Variants in CSGALNACT1 observed in about 807,000 individuals in gnomAD.
The protein encoded by CSGALNACT1 is beta4GalNAcT-1.
In CSGALNACT1, 52 loss-of-function variants were observed where a neutral mutation model predicts 51.0. The ratio of observed to expected loss-of-function variants is 1.02; its 90% CI spans 0.82 to 1.29. CSGALNACT1 has a LOEUF of 1.29. CSGALNACT1 is among the 50% of genes most tolerant of loss of function. The pLI, the probability that CSGALNACT1 is intolerant of heterozygous loss-of-function variation, is 0.00. For synonymous variants in CSGALNACT1, 341 were observed against 254.4 expected (o/e 1.34, Z -3.24); for missense variants, 935 against 679.2 (o/e 1.38, Z -4.19).
intron 3 of CSGALNACT1, among the ~76,000 whole-genome samples, chr8:19,575,321 G>C (rs752496591): frequency 6.6e-6 from 1 of 152,110 alleles, no homozygotes; most frequent in Admixed American, 6.6e-5. Flanking sequence ...GTCCATCCCA[G>C]AACACTTAAT....
chr8:19,411,797 C>G (rs1233653893), intron 8 of CSGALNACT1, among the ~76,000 whole-genome samples: 1 of 150,284 alleles, frequency 6.7e-6, no homozygotes, highest in Non-Finnish European at 1.5e-5. Flanking sequence ...TCCTCCTGTT[C>G]TGGATTTCAC....
At chr8:19,648,190 A>C (rs1213356001) in intron 1 of CSGALNACT1, among the ~76,000 whole-genome samples, 1 of 152,236 alleles carries the variant, frequency 6.6e-6, no homozygotes, top group Non-Finnish European at 1.5e-5. Context: ...AGAATAAAGC[A>C]TTAAGTGTTA....
intron 5 of CSGALNACT1, among the ~76,000 whole-genome samples, chr8:19,451,981 G>A (rs377382934): frequency 6.6e-6 from 1 of 152,174 alleles, no homozygotes; most frequent in South Asian, 2.1e-4. Flanking sequence ...GCATGGGAAG[G>A]ATAATGCTTT....
intron 6 of CSGALNACT1, among the ~76,000 whole-genome samples, chr8:19,424,290 G>C (rs2058437144): frequency 6.6e-6 from 1 of 152,088 alleles, no homozygotes; most frequent in South Asian, 2.1e-4. Flanking sequence ...TGTTTCCCAG[G>C]GTGGCTGCCA....
chr8:19,702,703 A>T (rs533533570), intron 1 of CSGALNACT1, among the ~76,000 whole-genome samples: 1 of 152,098 alleles, frequency 6.6e-6, no homozygotes, highest in East Asian at 1.9e-4. Flanking sequence ...CCAGACACCC[A>T]TCTTCTCCCA....
At chr8:19,449,502 T>C (rs920200420) in intron 5 of CSGALNACT1, among the ~76,000 whole-genome samples, 3 of 152,190 alleles carry the variant, frequency 2.0e-5, no homozygotes, top group African/African-American at 7.2e-5. Context: ...CCAGCCTCAC[T>C]ATAACATTCC....
intron 1 of CSGALNACT1, among the ~76,000 whole-genome samples, chr8:19,693,188 C>G (rs767669886): frequency 1.3e-5 from 2 of 152,052 alleles, no homozygotes; most frequent in Non-Finnish European, 2.9e-5. Context: ...GACTGGAGGA[C>G]CAGAGGAAGC....
chr8:19,512,450 T>C (rs2078647403), intron 3 of CSGALNACT1, among the ~76,000 whole-genome samples: 1 of 152,222 alleles, frequency 6.6e-6, no homozygotes, highest in Non-Finnish European at 1.5e-5. Flanking sequence ...TAAGCTAAAG[T>C]TTTGGAATAA....
At chr8:19,525,552 G>A (rs890299747) in intron 3 of CSGALNACT1, among the ~76,000 whole-genome samples, 2 of 142,282 alleles carry the variant, frequency 1.4e-5, no homozygotes, top group African/African-American at 5.3e-5. Flanking sequence ...AGCAGGCAGA[G>A]GCTGCAGTGA....
At chr8:19,443,726 G>T (rs917997285) in intron 5 of CSGALNACT1, among the ~76,000 whole-genome samples, 3 of 152,140 alleles carry the variant, frequency 2.0e-5, no homozygotes, top group Non-Finnish European at 4.4e-5. Context: ...ATGTGGGTGG[G>T]GATATAGCTA....
chr8:19,542,788 A>G (rs1049059757), intron 3 of CSGALNACT1, among the ~76,000 whole-genome samples: 1 of 152,194 alleles, frequency 6.6e-6, no homozygotes, highest in Non-Finnish European at 1.5e-5. Context: ...AGAAGAAAAC[A>G]TAATTCATAA....
At chr8:19,533,666 G>A (rs2975485) in intron 3 of CSGALNACT1, among the ~76,000 whole-genome samples, 1 of 151,878 alleles carries the variant, frequency 6.6e-6, no homozygotes, top group Admixed American at 6.5e-5. Context: ...TTGAGAGCAA[G>A]GAATGGCTCT....
At chr8:19,752,488 G>A (rs1259778623) in intron 1 of CSGALNACT1, among the ~76,000 whole-genome samples, 1 of 152,196 alleles carries the variant, frequency 6.6e-6, no homozygotes, top group African/African-American at 2.4e-5. Flanking sequence ...TTGAGAAACA[G>A]AAGTAGAAAG....
chr8:19,642,790 A>C (rs186158296), intron 1 of CSGALNACT1, among the ~76,000 whole-genome samples: 4,773 of 146,418 alleles, frequency 0.033, 82 homozygotes, highest in Non-Finnish European at 0.049. Flanking sequence ...CCCTGTCACA[A>C]AAAAAAAAAA....
At chr8:19,437,255 C>G (rs539647930) in intron 6 of CSGALNACT1, among the ~76,000 whole-genome samples, 1 of 151,998 alleles carries the variant, frequency 6.6e-6, no homozygotes, top group East Asian at 1.9e-4. Context: ...TTTGAATTAA[C>G]AAAAAGGAGG....
rs1385283600 is a variant in CSGALNACT1, at chr8:19,661,968, C to A, written c.-544+20505G>T. 2.6e-5 allele frequency among the ~76,000 whole-genome samples: 4 copies of A among 151,698 alleles called. No homozygotes were observed. In the East Asian group the frequency reaches 5.8e-4, roughly 22 times the overall value. On this transcript the variant is annotated intron_variant, in intron 1 of 9. Coordinates refer to the CSGALNACT1 transcript ENST00000332246. ...GAAGCCTATTTCCATAGCAGTCATT[C>A]CCCTTCCTGGTGTTCACTATCCTGG...
chr8:19,744,590 G>A (rs922282079), intron 1 of CSGALNACT1, among the ~76,000 whole-genome samples: 15 of 152,016 alleles, frequency 9.9e-5, no homozygotes, highest in Admixed American at 2.6e-4. Context: ...TTTATTTATA[G>A]GTAACTTTTA....
exon 5 of CSGALNACT1, chr8:19,458,452 C>A: frequency 6.2e-7 from 1 of 1,614,176 alleles, no homozygotes; most frequent in Non-Finnish European, 8.5e-7. Flanking sequence ...ACTGCCGGAA[C>A]TTGTCCACCC....
chr8:19,713,895 A>T (rs2154234576), intron 1 of CSGALNACT1, among the ~76,000 whole-genome samples: 1 of 152,314 alleles, frequency 6.6e-6, no homozygotes, highest in Non-Finnish European at 1.5e-5. Flanking sequence ...AGAAAGAGAG[A>T]AGCCAAGCTG....
Sources: gnomAD v4.1 joint callset for allele counts (sites outside exome capture counted in the v4.1 genomes callset) on GRCh38, gnomAD v4.1.1 for gene constraint, MANE v1.5 for transcripts, NCBI Gene and HGNC (gene_info 2026-07-23, HGNC 2026-07-21) for gene names.